CELF2: variants seen among roughly 807,000 people sequenced by gnomAD.
CELF2 encodes the protein CUG triplet repeat RNA-binding protein 2.
Under a neutral mutation model 62.6 loss-of-function variants are expected in CELF2, and 8 were observed. The ratio of observed to expected loss-of-function variants is 0.13; its 90% CI spans 0.07 to 0.23. The LOEUF is 0.23. Among genes scored for constraint, CELF2 ranks in the 10% least tolerant of loss-of-function variants. The probability of loss-of-function intolerance (pLI) is 1.00; values close to 1 mark genes in which losing one functional copy is unlikely to be tolerated. For synonymous variants in CELF2, 258 were observed against 250.0 expected (o/e 1.03, Z -0.30); for missense variants, 333 against 671.0 (o/e 0.50, Z 5.56).
Position 11,336,573 on chromosome 10 carries a change from ATTTTTGTTCTTTTAAGTCT to A in CELF2, c.*7522_*7540del, listed in dbSNP as rs2096121545. 6.6e-6 allele frequency: 1 copy of A among 152,612 alleles called. No homozygotes were observed. The highest frequency in any genetic ancestry group is 2.4e-5 in the African/African-American group (1 of 41,448). 9.5% of individuals were successfully genotyped at this position (152,612 alleles called of 1,614,324 possible). On this transcript the variant is annotated 3_prime_UTR_variant, in exon 13 of 13. Coordinates refer to ENST00000633077, the MANE Select transcript of CELF2 (RefSeq NM_001326342.2). This position sits in a 1 kb window ranked among gnomAD's most constrained non-coding sequence, Gnocchi z 5.4. ...TTTCAAAGCAGTGTTTCTAAGGGGT[ATTTTTGTTCTTTTAAGTCT>A]TGAGTGATACAGGATATTTTTCATT...
At chr10:10,998,009 G>A (rs191284078) in intron 2 of CELF2, among the ~76,000 whole-genome samples, 100 of 152,282 alleles carry the variant, frequency 6.6e-4, no homozygotes, top group African/African-American at 2.3e-3. Context: ...CATGAGATCT[G>A]ATGGTTTTAT....
At chr10:10,469,005 G>A in the CELF2 span, among the ~76,000 whole-genome samples, 2 of 151,658 alleles carry the variant, frequency 1.3e-5, no homozygotes, top group African/African-American at 4.8e-5. Flanking sequence ...ACTTATTACA[G>A]TGCAAAAAAA....
intron 1 of CELF2, among the ~76,000 whole-genome samples, chr10:10,833,875 T>C (rs2058068612): frequency 6.6e-6 from 1 of 152,238 alleles, no homozygotes; most frequent in Admixed American, 6.5e-5. Context: ...AAGTATAAAT[T>C]AGTTCAGTCA....
chr10:10,595,349 T>C, the CELF2 span, among the ~76,000 whole-genome samples: 4,427 of 152,242 alleles, frequency 0.029, 205 homozygotes, highest in African/African-American at 0.1. Context: ...AAGGCTGTGC[T>C]GGGACCAGGT....
rs886357667 is a variant in CELF2, at chr10:11,207,583, G to C, written c.272-9842G>C. Among the ~76,000 whole-genome samples the C allele has an allele frequency of 2.0e-5, 3 of 152,236 alleles. No individual in the cohort carries two copies. Among genetic ancestry groups the C allele is most frequent in the South Asian group, 4.1e-4 (2 of 4,834 alleles). On this transcript the variant is annotated intron_variant, in intron 2 of 12. Coordinates refer to ENST00000633077, the MANE Select transcript of CELF2 (RefSeq NM_001326342.2). The surrounding 1 kb of genome is among the most constrained non-coding windows in gnomAD (Gnocchi z 4.1). The stretch of plus-strand genomic sequence containing the variant: ...GGAGCATCGCACGACTGCCTCAGGC[G>C]GCCAGAGGGCGGTGCGGGTCCCACG...
At chr10:10,551,628 T>C in the CELF2 span, among the ~76,000 whole-genome samples, 1 of 152,174 alleles carries the variant, frequency 6.6e-6, no homozygotes, top group South Asian at 2.1e-4. Flanking sequence ...CTATTGATTT[T>C]AATTCCCCTG....
At position 11,268,673 on chromosome 10, in the gene CELF2, C is replaced by T. The variant is rs1466508907; in HGVS notation, c.619-1993C>T. ...ACATTCATGCTTACACAGAGGGGTCCTCTGACACTTAAATTTCTTGTTTGG... is the reference window on the plus strand; with the variant it reads ...ACATTCATGCTTACACAGAGGGGTCTTCTGACACTTAAATTTCTTGTTTGG... On this transcript the variant is annotated intron_variant, in intron 6 of 12. Transcript: ENST00000633077. This position sits in a 1 kb window ranked among gnomAD's most constrained non-coding sequence, Gnocchi z 4.7. Among the ~76,000 whole-genome samples the T allele has an allele frequency of 6.8e-6, 1 of 147,360 alleles. No homozygotes were observed. The highest frequency in any genetic ancestry group is 2.5e-5 in the African/African-American group (1 of 40,514).
rs2061743392 is a variant in CELF2, at chr10:11,211,433, T to A, written c.272-5992T>A. On this transcript the variant is annotated intron_variant, in intron 2 of 12. Transcript: ENST00000633077. This position sits in a 1 kb window ranked among gnomAD's most constrained non-coding sequence, Gnocchi z 4.8. The stretch of plus-strand genomic sequence containing the variant: ...GGTGTCAGTTTTCTTAAGGGCAGAA[T>A]GAGTTTAAAATCTGACCTCATATCA... Among the ~76,000 whole-genome samples, 1 of 152,234 alleles carries A rather than the reference T, an allele frequency of 6.6e-6. No homozygotes were observed. Among genetic ancestry groups the A allele is most frequent in the Non-Finnish European group, 1.5e-5 (1 of 68,036 alleles).
chr10:10,851,563 G>C (rs879600427), intron 1 of CELF2, among the ~76,000 whole-genome samples: 1 of 152,154 alleles, frequency 6.6e-6, no homozygotes, highest in Admixed American at 6.5e-5. Context: ...CTAATACTGT[G>C]ATCCAAAAGT....
At chr10:11,154,485 A>G (rs542743666) in intron 1 of CELF2, among the ~76,000 whole-genome samples, 1 of 152,240 alleles carries the variant, frequency 6.6e-6, no homozygotes, top group Non-Finnish European at 1.5e-5. Context: ...GAAAGGAAAC[A>G]TGCAGGATGA....
chr10:10,673,759 G>T, the CELF2 span, among the ~76,000 whole-genome samples: 2 of 152,052 alleles, frequency 1.3e-5, no homozygotes, highest in African/African-American at 4.8e-5. Context: ...GGCTCAAAAT[G>T]TTTTTTAAAT....
intron 1 of CELF2, among the ~76,000 whole-genome samples, chr10:11,106,603 A>T (rs562329891): frequency 8.5e-4 from 130 of 152,384 alleles, no homozygotes; most frequent in African/African-American, 2.9e-3. Flanking sequence ...GAACTACGAA[A>T]TGGGGACAAG....
At chr10:10,590,675 G>A in the CELF2 span, among the ~76,000 whole-genome samples, 1 of 152,176 alleles carries the variant, frequency 6.6e-6, no homozygotes, top group Admixed American at 6.5e-5. Flanking sequence ...ACCAAGCTCT[G>A]TCTCAGGTGT....
the CELF2 span, among the ~76,000 whole-genome samples, chr10:10,570,542 CT>C: frequency 6.1e-3 from 923 of 151,372 alleles, 8 homozygotes; most frequent in African/African-American, 0.021. Flanking sequence ...AAGAAAAAGG[CT>C]AAAATGGGTG....
the CELF2 span, among the ~76,000 whole-genome samples, chr10:10,551,792 T>C: frequency 6.6e-6 from 1 of 152,084 alleles, no homozygotes; most frequent in Admixed American, 6.6e-5. Context: ...TCAGGTGCTT[T>C]CCAATGTTGA....
chr10:10,624,667 C>A, the CELF2 span, among the ~76,000 whole-genome samples: 1 of 152,132 alleles, frequency 6.6e-6, no homozygotes, highest in East Asian at 1.9e-4. Context: ...TTGCAGAAAA[C>A]CCTGGGAGAT....
chr10:11,299,310 C>T (rs920913769), intron 9 of CELF2, among the ~76,000 whole-genome samples: 26 of 152,344 alleles, frequency 1.7e-4, no homozygotes, highest in African/African-American at 5.0e-4. Context: ...TGAGTCCACG[C>T]GGCGCCCCAG....
intron 1 of CELF2, among the ~76,000 whole-genome samples, chr10:10,917,391 C>T (rs1470580455): frequency 6.6e-6 from 1 of 152,120 alleles, no homozygotes; most frequent in East Asian, 1.9e-4. Context: ...CTGGAGTGGA[C>T]TGGTGTGGCA....
intron 1 of CELF2, among the ~76,000 whole-genome samples, chr10:10,812,251 A>G (rs1240436805): frequency 6.6e-6 from 1 of 152,218 alleles, no homozygotes; most frequent in East Asian, 1.9e-4. Context: ...AAAGCCAAGC[A>G]AAAGGGGAAA....
Sources: gnomAD v4.1 joint callset for allele counts (sites outside exome capture counted in the v4.1 genomes callset) on GRCh38, gnomAD v4.1.1 for gene constraint, Gnocchi (gnomAD v3.1) non-coding constraint, MANE v1.5 for transcripts, NCBI Gene and HGNC (gene_info 2026-07-23, HGNC 2026-07-21) for gene names.